The following POLI variants were observed in gnomAD, a reference collection of about 807,000 sequenced individuals.
POLI encodes the protein DNA polymerase iota.
Under a neutral mutation model 51.6 loss-of-function variants are expected in POLI, and 58 were observed. The ratio of observed to expected loss-of-function variants is 1.12; its 90% CI spans 0.91 to 1.40. The LOEUF (loss-of-function observed/expected upper bound fraction) is 1.40, where lower values mean the gene tolerates loss of function less well. Among genes scored for constraint, POLI ranks in the 40% most tolerant of loss-of-function variants. The probability of loss-of-function intolerance (pLI) is 0.00; values close to 1 mark genes in which losing one functional copy is unlikely to be tolerated. For missense variants in POLI, 921 were observed against 871.3 expected, an observed-to-expected ratio of 1.06 and a Z score of -0.72; for synonymous variants, 322 against 299.7, an observed-to-expected ratio of 1.07 and a Z score of -0.77.
Position 54,297,618 on chromosome 18 carries a change from A to G in POLI, c.*3151A>G, listed in dbSNP as rs1023252076. 5.1e-6 allele frequency: 5 copies of G among 977,514 alleles called. No individual in the cohort carries two copies. Among genetic ancestry groups the G allele is most frequent in the East Asian group, 1.1e-4 (1 of 8,802 alleles). The allele number at this position is 977,514 out of a possible 1,614,324, so 60.6% of individuals were successfully genotyped here. On this transcript the variant is annotated 3_prime_UTR_variant, in exon 10 of 10. Coordinates refer to ENST00000579534, the MANE Select transcript of POLI (RefSeq NM_007195.3). The stretch of plus-strand genomic sequence containing the variant: ...CTTTCCCACCTTTATCTCTCCTCCT[A>G]TCTTTTGGGATCAGTTGGGTTTTCT...
At chr18:54,283,277 A>G (rs1248016691) in intron 6 of POLI, among the ~76,000 whole-genome samples, 1 of 152,162 alleles carries the variant, frequency 6.6e-6, no homozygotes, top group African/African-American at 2.4e-5. Context: ...TAATGCATAT[A>G]TGAGGCAAAA....
chr18:54,271,810 CA>C (rs1568115446), intron 2 of POLI, among the ~76,000 whole-genome samples: 1 of 152,188 alleles, frequency 6.6e-6, no homozygotes, highest in African/African-American at 2.4e-5. Flanking sequence ...GCTTTGTTCT[CA>C]AAAACAGCCT....
At chr18:54,310,693 T>A (rs769735086) in intron 3 of POLI, among the ~76,000 whole-genome samples, 2 of 152,160 alleles carry the variant, frequency 1.3e-5, no homozygotes, top group Non-Finnish European at 2.9e-5. Flanking sequence ...TCCTCAAATA[T>A]TGAAAAAATC....
intron 1 of POLI, chr18:54,270,668 T>C (rs1218366755): frequency 6.6e-6 from 1 of 152,186 alleles, no homozygotes; most frequent in African/African-American, 2.4e-5. Flanking sequence ...TATTGTATTG[T>C]ATTTTGCCTG....
chr18:54,310,955 G>A lies in POLI; in HGVS notation c.334-9318G>A, dbSNP rs574778171. ...TAAAAAAAAGTAGAGATGGGATCTC[G>A]TTATGTTGCCCAGGCTGGTCTCGAA... On this transcript the variant is annotated intron_variant, in intron 3 of 4. Transcript: ENST00000579823. The A allele has an allele frequency of 1.4e-4, 24 of 172,458 alleles. No homozygotes were observed. In the South Asian group the frequency reaches 4.2e-3, roughly 30 times the overall value. The allele number at this position is 172,458 out of a possible 1,614,324, so 10.7% of individuals were successfully genotyped here. A position where few individuals can be genotyped will look rare whatever the true frequency, so the allele number is the denominator to read the frequency against.
rs2087458832 is a variant in POLI at position 54,280,728 on chromosome 18, G to T, written c.621G>T (p.Glu207Asp). The T allele has an allele frequency of 1.9e-6, 3 of 1,613,950 alleles. No individual in the cohort carries two copies. In the East Asian group the frequency reaches 6.7e-5, roughly 36 times the overall value. The change falls in exon 5 of 10, where the codon GAG becomes GAT. Residue 207 changes from glutamate to aspartate, a missense_variant. Physicochemically the swap from Glu to Asp is conservative, Grantham distance 45. Transcript: ENST00000579534. ...TTGTTGGATCTCAGATTGCAGCAGAGATGCGGGAAGCCATGTATAATCAGT... is the reference window on the plus strand; with the variant it reads ...TTGTTGGATCTCAGATTGCAGCAGATATGCGGGAAGCCATGTATAATCAGT... ...RLLVGSQIAAEMREAMYNQLG... is the reference protein window; with the variant it reads ...RLLVGSQIAADMREAMYNQLG...
chr18:54,305,115 T>C (rs2088559881), intron 3 of POLI, among the ~76,000 whole-genome samples: 1 of 152,124 alleles, frequency 6.6e-6, no homozygotes, highest in Non-Finnish European at 1.5e-5. Flanking sequence ...TGTTCCATTG[T>C]TCTGTATCTC....
downstream of POLI, among the ~76,000 whole-genome samples, chr18:54,301,276 T>TCA (rs35448677): frequency 0.18 from 27,594 of 150,374 alleles, 2,657 homozygotes; most frequent in Middle Eastern, 0.26. Context: ...GAAACTCCCA[T>TCA]CACACACACA....
chr18:54,304,967 G>A (rs975464829), intron 3 of POLI, among the ~76,000 whole-genome samples: 20 of 152,170 alleles, frequency 1.3e-4, no homozygotes, highest in Non-Finnish European at 1.9e-4. Flanking sequence ...TCCAGTTTCA[G>A]CTTTCTACAT....
rs750229427 is a variant in POLI, at chr18:54,277,767, A to G, written c.471A>G (p.Leu157=). Reference sequence around the variant, plus strand: ...GATTTGATGAAAATTTTGTGGATCTAACAGAAATGGTTGAGAAGAGACTAC... The same window carrying G: ...GATTTGATGAAAATTTTGTGGATCTGACAGAAATGGTTGAGAAGAGACTAC... ...RLGFDENFVD[L]TEMVEKRLQQ... Residue 157 remains leucine, a synonymous_variant, in exon 4 of 10, where the codon CTA becomes CTG. Coordinates refer to ENST00000579534, the MANE Select transcript of POLI (RefSeq NM_007195.3). 5 of 1,611,792 alleles carry G rather than the reference A, an allele frequency of 3.1e-6. No homozygotes were observed. The highest frequency in any genetic ancestry group is 4.2e-6 in the Non-Finnish European group (5 of 1,178,280).
At chr18:54,278,846 C>T (rs1205115031) in intron 4 of POLI, among the ~76,000 whole-genome samples, 1 of 152,172 alleles carries the variant, frequency 6.6e-6, no homozygotes, top group East Asian at 1.9e-4. Context: ...TTGTCTGACC[C>T]TTTTGCTCTT....
chr18:54,304,250 A>G (rs974618380), intron 3 of POLI, among the ~76,000 whole-genome samples: 2 of 152,218 alleles, frequency 1.3e-5, no homozygotes, highest in African/African-American at 4.8e-5. Flanking sequence ...TAGTAGCATG[A>G]TGTATAATCC....
intron 8 of POLI, among the ~76,000 whole-genome samples, chr18:54,289,459 C>G (rs747569282): frequency 1.3e-5 from 2 of 152,030 alleles, no homozygotes; most frequent in Non-Finnish European, 2.9e-5. Flanking sequence ...ACTTTCTTCA[C>G]AGAATTGGAA....
At chr18:54,304,216 A>G (rs1415321172) in intron 3 of POLI, among the ~76,000 whole-genome samples, 1 of 152,198 alleles carries the variant, frequency 6.6e-6, no homozygotes, top group Non-Finnish European at 1.5e-5. Flanking sequence ...TGACACAATA[A>G]ACATACATGT....
chr18:54,310,738 A>G (rs912661176), intron 3 of POLI, among the ~76,000 whole-genome samples: 10 of 152,196 alleles, frequency 6.6e-5, no homozygotes, highest in Non-Finnish European at 1.5e-4. Context: ...TGAGAAAACT[A>G]TAAGCTTTTT....
intron 3 of POLI, among the ~76,000 whole-genome samples, chr18:54,304,953 G>C (rs2088557044): frequency 6.6e-6 from 1 of 152,206 alleles, no homozygotes; most frequent in Non-Finnish European, 1.5e-5. Context: ...GTGTAAGGAA[G>C]GGATCCAGTT....
At chr18:54,279,903 A>G (rs1278787968) in intron 4 of POLI, among the ~76,000 whole-genome samples, 4 of 152,232 alleles carry the variant, frequency 2.6e-5, no homozygotes, top group Non-Finnish European at 1.5e-5. Flanking sequence ...TTGTTATATA[A>G]TAATACTTCT....
intron 3 of POLI, among the ~76,000 whole-genome samples, chr18:54,316,966 G>T (rs1201094950): frequency 6.6e-6 from 1 of 152,168 alleles, no homozygotes; most frequent in East Asian, 1.9e-4. Context: ...AAATTGGAGA[G>T]TAGAACTGTT....
At chr18:54,282,031 A>G (rs2144518507) in intron 5 of POLI, among the ~76,000 whole-genome samples, 1 of 152,138 alleles carries the variant, frequency 6.6e-6, no homozygotes. Context: ...TGCTAGCAAG[A>G]TTTTTTGTTT....
Sources: gnomAD v4.1 joint callset for allele counts (sites outside exome capture counted in the v4.1 genomes callset) on GRCh38, gnomAD v4.1.1 for gene constraint, MANE v1.5 for transcripts, NCBI Gene and HGNC (gene_info 2026-07-23, HGNC 2026-07-21) for gene names.